Variants in CASK observed in about 807,000 individuals in gnomAD.
The protein encoded by CASK is peripheral plasma membrane protein CASK.
CASK carries 4 observed loss-of-function variants against 82.9 expected under a neutral mutation model. The observed-to-expected ratio is 0.05, with a 90% CI of 0.02 to 0.11. The LOEUF (loss-of-function observed/expected upper bound fraction) is 0.11, where lower values mean the gene tolerates loss of function less well. Among genes scored for constraint, CASK ranks in the 10% least tolerant of loss-of-function variants. The pLI, the probability that CASK is intolerant of heterozygous loss-of-function variation, is 1.00. For missense variants in CASK, 358 were observed against 720.9 expected, an observed-to-expected ratio of 0.50 and a Z score of 5.76; for synonymous variants, 259 against 253.5, an observed-to-expected ratio of 1.02 and a Z score of -0.20.
chrX:41,677,246 T>C (rs1298035996), intron 5 of CASK, among the ~76,000 whole-genome samples: 1 of 110,480 alleles, frequency 9.1e-6, no homozygotes, highest in Admixed American at 9.6e-5. Flanking sequence ...ATTAGAGGTG[T>C]AAATTTGGGA....
chrX:41,551,244 T>C (rs1256351018), intron 21 of CASK, among the ~76,000 whole-genome samples: 2 of 112,378 alleles, frequency 1.8e-5, no homozygotes, highest in Admixed American at 1.9e-4. Context: ...AGGCTGTGTG[T>C]ACCTGGGTGC....
At chrX:41,767,615 G>A (rs2069143183) in intron 3 of CASK, among the ~76,000 whole-genome samples, 1 of 111,605 alleles carries the variant, frequency 9.0e-6, no homozygotes, top group Non-Finnish European at 1.9e-5. Flanking sequence ...GTCTCCTCTG[G>A]TTGGTGACAG....
chrX:41,915,656 G>A (rs1272939813), intron 1 of CASK, among the ~76,000 whole-genome samples: 1 of 110,405 alleles, frequency 9.1e-6, no homozygotes, highest in Admixed American at 9.6e-5. Context: ...CTGACGTCAG[G>A]AGTTCGAGAC....
intron 12 of CASK, among the ~76,000 whole-genome samples, chrX:41,609,468 T>C (rs1224043785): frequency 1.8e-5 from 2 of 111,778 alleles, no homozygotes; most frequent in African/African-American, 3.3e-5. Context: ...ACATTTCTCA[T>C]AGGCTTAAGG....
In CASK at chrX:41,530,995, G is replaced by A. The variant is rs1256904097; in HGVS notation, c.2520+12C>T. On this transcript the variant is annotated intron_variant, in intron 25 of 26. Coordinates refer to ENST00000378163, the MANE Select transcript of CASK (RefSeq NM_001367721.1). Reference sequence around the variant, plus strand: ...GGCAGGATGTCAGACATTCGGGGAGGCTGGGCATTACCTGAGGCTCCACGT... The same window carrying A: ...GGCAGGATGTCAGACATTCGGGGAGACTGGGCATTACCTGAGGCTCCACGT... The A allele has an allele frequency of 1.7e-6, 2 of 1,198,224 alleles. No homozygotes were observed. The highest frequency in any genetic ancestry group is 5.9e-5 in the East Asian group (2 of 33,780).
intron 6 of CASK, 25 bp downstream of exon 6, chrX:41,671,402 AT>A (rs199561120): frequency 0.023 from 15,244 of 670,093 alleles, no homozygotes; most frequent in Non-Finnish European, 0.026. Context: ...GTTTTGAAGA[AT>A]TTTTTTTTTT....
At chrX:41,612,984 A>G (rs1290790157) in intron 11 of CASK, among the ~76,000 whole-genome samples, 29 of 93,781 alleles carry the variant, frequency 3.1e-4, no homozygotes, top group East Asian at 3.6e-4. Context: ...CTGCCTGGCC[A>G]GCCGCCCCGT....
chrX:41,734,713 C>G (rs370645578), intron 5 of CASK, among the ~76,000 whole-genome samples: 2 of 111,000 alleles, frequency 1.8e-5, no homozygotes, highest in Non-Finnish European at 3.8e-5. Context: ...TTGGTTGTCA[C>G]AACTAGGGGG....
At chrX:41,920,646 T>A (rs2072766269) in intron 1 of CASK, among the ~76,000 whole-genome samples, 1 of 111,326 alleles carries the variant, frequency 9.0e-6, no homozygotes. Flanking sequence ...AAAGATGAAT[T>A]TTTTTCTCCC....
At chrX:41,684,975 G>T (rs2067418399) in intron 5 of CASK, among the ~76,000 whole-genome samples, 1 of 111,587 alleles carries the variant, frequency 9.0e-6, no homozygotes, top group South Asian at 3.7e-4. Flanking sequence ...AAGAGTGAGA[G>T]ATTGAGAAGG....
intron 3 of CASK, among the ~76,000 whole-genome samples, chrX:41,774,078 T>C (rs1332495533): frequency 8.9e-6 from 1 of 111,879 alleles, no homozygotes; most frequent in Non-Finnish European, 1.9e-5. Context: ...GCTTAAAACA[T>C]ACTGTAGGCC....
chrX:41,626,747 C>G (rs750312997), intron 9 of CASK, 44 bp from the exon 10 acceptor site: 4 of 806,797 alleles, frequency 5.0e-6, no homozygotes, highest in Non-Finnish European at 7.4e-6. Flanking sequence ...AACAAATACA[C>G]AAATATAAAT....
rs946679335 is a variant in CASK, at chrX:41,817,282, T to C, written c.173-29999A>G. On this transcript the variant is annotated intron_variant, in intron 2 of 26. Coordinates refer to ENST00000378163, the MANE Select transcript of CASK (RefSeq NM_001367721.1). ...AATATTAATACTTAATGGTAAACAA[T>C]CTAATGTTTTTTCTCTAAGGAATAA... Among the ~76,000 whole-genome samples the C allele has an allele frequency of 3.6e-5, 4 of 111,988 alleles. No individual in the cohort carries two copies. In the Admixed American group the frequency reaches 3.8e-4, roughly 11 times the overall value.
At chrX:41,833,865 C>T (rs1384324170) in intron 2 of CASK, among the ~76,000 whole-genome samples, 1 of 111,534 alleles carries the variant, frequency 9.0e-6, no homozygotes, top group African/African-American at 3.3e-5. Context: ...CCTCCCACCT[C>T]AGCCTCCCAG....
At chrX:41,751,736 T>C (rs1332366329) in intron 3 of CASK, among the ~76,000 whole-genome samples, 2 of 110,961 alleles carry the variant, frequency 1.8e-5, no homozygotes, top group Non-Finnish European at 3.8e-5. Flanking sequence ...GTCATGTTGG[T>C]AGCACAGAAA....
intron 13 of CASK, chrX:41,588,013 A>AGG (rs974059555): frequency 2.7e-5 from 3 of 111,733 alleles, no homozygotes; most frequent in African/African-American, 9.8e-5. Context: ...CTGGGGCAGG[A>AGG]GGGGGATGTT....
intron 16 of CASK, among the ~76,000 whole-genome samples, chrX:41,566,979 A>C (rs1477064509): frequency 8.9e-6 from 1 of 112,267 alleles, no homozygotes; most frequent in African/African-American, 3.2e-5. Flanking sequence ...CAAAAACATG[A>C]AATGGGGAAA....
chrX:41,785,264 C>T (rs1445000739), intron 3 of CASK, among the ~76,000 whole-genome samples: 1 of 111,759 alleles, frequency 8.9e-6, no homozygotes. Flanking sequence ...GCCTTGGCCT[C>T]CCAAGGTGCT....
At chrX:41,789,731 C>T (rs1471818355) in intron 2 of CASK, among the ~76,000 whole-genome samples, 1 of 110,773 alleles carries the variant, frequency 9.0e-6, no homozygotes, top group Non-Finnish European at 1.9e-5. Flanking sequence ...TATTAGAACT[C>T]ACCCTTTCAT....
Sources: allele counts gnomAD v4.1 joint callset (sites outside exome capture counted in the v4.1 genomes callset), GRCh38; gene constraint gnomAD v4.1.1; transcripts MANE v1.5; gene names NCBI Gene and HGNC (gene_info 2026-07-23, HGNC 2026-07-21).